The following FAM124A variants were observed in gnomAD, a reference collection of about 807,000 sequenced individuals.
FAM124A encodes protein FAM124A.
In FAM124A, 23 loss-of-function variants were observed where a neutral mutation model predicts 24.5. That is an observed-to-expected ratio of 0.94 (90% confidence interval 0.68 to 1.33). FAM124A has a LOEUF of 1.33. Among genes scored for constraint, FAM124A ranks in the 40% most tolerant of loss-of-function variants. The pLI is 0.00. For missense variants in FAM124A, 623 were observed against 722.8 expected, an observed-to-expected ratio of 0.86 and a Z score of 1.58; for synonymous variants, 287 against 314.7, an observed-to-expected ratio of 0.91 and a Z score of 0.93.
intron 3 of FAM124A, among the ~76,000 whole-genome samples, chr13:51,260,318 G>A (rs1954722096): frequency 6.6e-6 from 1 of 152,162 alleles, no homozygotes. Flanking sequence ...TTCTCCCAGG[G>A]GAGGGCTCAG....
intron 2 of FAM124A, among the ~76,000 whole-genome samples, chr13:51,231,938 A>G (rs1015613824): frequency 1.3e-5 from 2 of 152,248 alleles, no homozygotes; most frequent in South Asian, 2.1e-4. Context: ...ATACATGCCA[A>G]TACATATGTA....
chr13:51,251,670 G>A lies in FAM124A; in HGVS notation c.303G>A (p.Leu101=), dbSNP rs557652911. The part of the protein sequence containing the change: ...RKPPKGAQPA[L]AVVLFLQEEY... ...CCCCCAAGGGCGCTCAGCCAGCGCT[G>A]GCTGTGGTGCTGTTCCTGCAGGAGG... The change falls in exon 3 of 4, where the codon CTG becomes CTA. Residue 101 remains leucine (L), a synonymous_variant. Transcript: ENST00000322475. This position sits in a 1 kb window ranked among gnomAD's most constrained non-coding sequence, Gnocchi z 5.3. 2.7e-5 allele frequency: 43 copies of A among 1,586,882 alleles called. No individual in the cohort carries two copies. In the South Asian group the frequency reaches 4.5e-4, roughly 17 times the overall value.
chr13:51,271,358 G>T (rs1261868796), intron 3 of FAM124A, among the ~76,000 whole-genome samples: 2 of 152,074 alleles, frequency 1.3e-5, no homozygotes, highest in South Asian at 2.1e-4. Context: ...AGTAAAAAAA[G>T]GCATTTTTTA....
At chr13:51,267,479 C>CT (rs1424660930) in intron 3 of FAM124A, among the ~76,000 whole-genome samples, 4 of 152,038 alleles carry the variant, frequency 2.6e-5, no homozygotes, top group Non-Finnish European at 5.9e-5. Flanking sequence ...AAGAAAATGC[C>CT]TAGAACTGCA....
intron 2 of FAM124A, among the ~76,000 whole-genome samples, chr13:51,245,070 AAG>A (rs979099376): frequency 6.6e-6 from 1 of 152,244 alleles, no homozygotes; most frequent in African/African-American, 2.4e-5. Flanking sequence ...AAGCGAAAGA[AAG>A]AGAAAGGCTA....
rs375404288 is a variant in FAM124A, at chr13:51,251,597, C to T, written c.230C>T (p.Pro77Leu). The T allele has an allele frequency of 2.5e-6, 4 of 1,569,472 alleles. No individual in the cohort carries two copies. The highest frequency in any genetic ancestry group is 2.7e-5 in the African/African-American group (2 of 74,196). Residue 77 changes from proline to leucine, a missense_variant, in exon 3 of 4, where the codon CCG becomes CTG. Pro to Leu is a moderately conservative substitution (Grantham distance 98). Transcript: ENST00000322475. The surrounding 1 kb of genome is among the most constrained non-coding windows in gnomAD (Gnocchi z 5.3). ...CTGGCGTGGATCCACCCCGACCTCC[C>T]GCTGTTCCGGGTGTCCGAGAGGCGG... ...NVLAWIHPDL[P>L]LFRVSERRAS...
chr13:51,260,335 T>C (rs1269520952), intron 3 of FAM124A, among the ~76,000 whole-genome samples: 1 of 152,188 alleles, frequency 6.6e-6, no homozygotes, highest in Admixed American at 6.5e-5. Flanking sequence ...TCAGCCAGTG[T>C]CCTTGGGAAG....
Position 51,280,602 on chromosome 13 carries a change from G to A in FAM124A, c.987G>A (p.Gly329=). The change falls in exon 4 of 4, where the codon GGG becomes GGA. Residue 329 remains glycine, a synonymous_variant. Transcript: ENST00000322475. ...QQSPLNSPHP[G]PIRTGLPPGH... Reference sequence around the variant, plus strand: ...CCCCGCTCAACAGTCCTCACCCGGGGCCCATCCGGACAGGCCTGCCTCCTG... The same window carrying A: ...CCCCGCTCAACAGTCCTCACCCGGGACCCATCCGGACAGGCCTGCCTCCTG... 6.2e-7 allele frequency: 1 copy of A among 1,614,162 alleles called. No homozygotes were observed. Among genetic ancestry groups the A allele is most frequent in the Non-Finnish European group, 8.5e-7 (1 of 1,180,034 alleles).
chr13:51,272,566 TACACACACAC>T lies in FAM124A; in HGVS notation c.835-7865_835-7856del, dbSNP rs3138586. Among the ~76,000 whole-genome samples, 1 of 148,858 alleles carries T rather than the reference TACACACACAC, an allele frequency of 6.7e-6. No homozygotes were observed. Among genetic ancestry groups the T allele is most frequent in the Non-Finnish European group, 1.5e-5 (1 of 67,342 alleles). ...ACCTATTTTTGTAAATAAAGCCTTATACACACACACACACACACACACACACACCAGTTGA... is the reference window on the plus strand; with the variant it reads ...ACCTATTTTTGTAAATAAAGCCTTATACACACACACACACACACCAGTTGA... On this transcript the variant is annotated intron_variant, in intron 3 of 3. Transcript: ENST00000322475. The surrounding 1 kb of genome is among the most constrained non-coding windows in gnomAD (Gnocchi z 4.2).
intron 2 of FAM124A, among the ~76,000 whole-genome samples, chr13:51,238,669 T>C (rs1441955886): frequency 6.6e-6 from 1 of 152,208 alleles, no homozygotes; most frequent in Admixed American, 6.5e-5. Context: ...TGTTGGACCA[T>C]GGAAGTGGCA....
At chr13:51,229,421 G>A (rs1488950601) in intron 1 of FAM124A, among the ~76,000 whole-genome samples, 1 of 152,150 alleles carries the variant, frequency 6.6e-6, no homozygotes, top group Non-Finnish European at 1.5e-5. Context: ...CATCAGTTAT[G>A]CCAGCACCTG....
intron 3 of FAM124A, among the ~76,000 whole-genome samples, chr13:51,266,046 A>G (rs1161722254): frequency 6.6e-6 from 1 of 152,182 alleles, no homozygotes; most frequent in Non-Finnish European, 1.5e-5. Context: ...TTTTAAAATA[A>G]GACAACTTCA....
intron 1 of FAM124A, among the ~76,000 whole-genome samples, chr13:51,226,298 C>T (rs1954315325): frequency 1.3e-5 from 2 of 151,942 alleles, no homozygotes; most frequent in African/African-American, 4.8e-5. Flanking sequence ...TGCTTCTGGC[C>T]CTATAGTGTC....
chr13:51,230,359 A>G (rs556983466), intron 1 of FAM124A, among the ~76,000 whole-genome samples: 1 of 152,294 alleles, frequency 6.6e-6, no homozygotes, highest in South Asian at 2.1e-4. Flanking sequence ...AAGAAGTTCA[A>G]TGGAGTGAAA....
rs554121515 is a variant in FAM124A, at chr13:51,241,467, G to A, written c.101-10001G>A. Among the ~76,000 whole-genome samples the A allele has an allele frequency of 3.9e-5, 6 of 152,242 alleles. No individual in the cohort carries two copies. The South Asian group carries it at 1.2e-3, about 32-fold the overall frequency. ...GCACTTCAGGACTAGGTGCCACTGAGGTATAAAGGAGAAAGCCCTGAACTG... is the reference window on the plus strand; with the variant it reads ...GCACTTCAGGACTAGGTGCCACTGAAGTATAAAGGAGAAAGCCCTGAACTG... On this transcript the variant is annotated intron_variant, in intron 2 of 3. Coordinates refer to ENST00000322475, the MANE Select transcript of FAM124A (RefSeq NM_001242312.2).
chr13:51,228,205 G>GTA lies in FAM124A; in HGVS notation c.69-3131_69-3130dup, dbSNP rs143841860. On this transcript the variant is annotated intron_variant, in intron 1 of 3. Transcript: ENST00000322475. The stretch of plus-strand genomic sequence containing the variant: ...AAATAATTTATTCTGTATATATGTA[G>GTA]TATATATATATATGTAGTATTCTGT... 2.9e-3 allele frequency among the ~76,000 whole-genome samples: 436 copies of GTA among 151,192 alleles called. 1 individual carries two copies. Among genetic ancestry groups the GTA allele is most frequent in the Non-Finnish European group, 4.5e-3 (305 of 67,756 alleles).
intron 3 of FAM124A, chr13:51,252,413 A>G: frequency 3.1e-6 from 2 of 639,270 alleles, no homozygotes; most frequent in Non-Finnish European, 5.1e-6. Flanking sequence ...TCTTCATTTC[A>G]CTTTCAGCAA....
chr13:51,241,986 G>T (rs17790709), intron 2 of FAM124A, among the ~76,000 whole-genome samples: 22,561 of 152,194 alleles, frequency 0.15, 1,739 homozygotes, highest in Non-Finnish European at 0.17. Context: ...TAATTGTAAG[G>T]ATTCCTCCCA....
chr13:51,280,865 G>A lies in FAM124A; in HGVS notation c.1250G>A (p.Gly417Asp). 3.7e-6 allele frequency: 6 copies of A among 1,614,126 alleles called. No homozygotes were observed. The highest frequency in any genetic ancestry group is 5.1e-6 in the Non-Finnish European group (6 of 1,180,024). The change falls in exon 4 of 4, where the codon GGC (glycine) becomes GAC (aspartate). Residue 417 changes from glycine to aspartate, a missense_variant. By Grantham distance (94) the Gly-to-Asp change is moderately conservative. Transcript: ENST00000322475. ...EGAQETDVDTGLRLSSSDLSV... is the reference protein window; with the variant it reads ...EGAQETDVDTDLRLSSSDLSV... The stretch of plus-strand genomic sequence containing the variant: ...GCCCAGGAGACAGACGTGGACACAG[G>A]CCTGCGGCTGTCCTCATCGGACCTG...
Sources: gnomAD v4.1 joint callset for allele counts (sites outside exome capture counted in the v4.1 genomes callset) on GRCh38, gnomAD v4.1.1 for gene constraint, Gnocchi (gnomAD v3.1) non-coding constraint, MANE v1.5 for transcripts, NCBI Gene and HGNC (gene_info 2026-07-23, HGNC 2026-07-21) for gene names.